Variants in PEPD observed in about 807,000 individuals in gnomAD.
PEPD encodes peptidase D, also known as xaa-Pro dipeptidase.
PEPD carries 53 observed loss-of-function variants against 60.7 expected under a neutral mutation model. The observed-to-expected ratio is 0.87, with a 90% CI of 0.70 to 1.10. The LOEUF (loss-of-function observed/expected upper bound fraction) is 1.10, where lower values mean the gene tolerates loss of function less well. Among genes scored for constraint, PEPD ranks in the 50% least tolerant of loss-of-function variants. The probability of loss-of-function intolerance (pLI) is 0.00; values close to 1 mark genes in which losing one functional copy is unlikely to be tolerated. For missense variants in PEPD, 711 were observed against 711.9 expected (o/e 1.00, Z 0.01); for synonymous variants, 267 against 284.1 (o/e 0.94, Z 0.60).
chr19:33,495,197 A>G (rs1238869961), intron 4 of PEPD, among the ~76,000 whole-genome samples: 1 of 152,124 alleles, frequency 6.6e-6, no homozygotes, highest in Non-Finnish European at 1.5e-5. Flanking sequence ...ACATCCTCGC[A>G]TACAAGTATT....
intron 6 of PEPD, among the ~76,000 whole-genome samples, chr19:33,484,910 T>C (rs1235060935): frequency 6.6e-6 from 1 of 152,204 alleles, no homozygotes; most frequent in African/African-American, 2.4e-5. Flanking sequence ...CTGGTTAGCA[T>C]TTTCTACAAT....
intron 4 of PEPD, among the ~76,000 whole-genome samples, chr19:33,496,572 C>T (rs145456936): frequency 2.0e-3 from 310 of 152,368 alleles, no homozygotes; most frequent in Non-Finnish European, 3.6e-3. Flanking sequence ...GGGAACACGA[C>T]GCGCTGTGCG....
intron 9 of PEPD, among the ~76,000 whole-genome samples, chr19:33,422,795 T>G (rs1233652840): frequency 6.7e-6 from 1 of 148,796 alleles, no homozygotes; most frequent in African/African-American, 2.5e-5. Flanking sequence ...CCTCCCTCTA[T>G]CTATCCATCC....
intron 1 of PEPD, among the ~76,000 whole-genome samples, chr19:33,519,908 A>T (rs1414221800): frequency 6.6e-6 from 1 of 152,100 alleles, no homozygotes; most frequent in Non-Finnish European, 1.5e-5. Context: ...TCCACTAAAA[A>T]TACAAAAAAT....
intron 6 of PEPD, among the ~76,000 whole-genome samples, chr19:33,482,102 C>T (rs1346623806): frequency 1.3e-5 from 2 of 152,172 alleles, no homozygotes; most frequent in African/African-American, 4.8e-5. Context: ...GTCAGTATTA[C>T]CTTGATGCTA....
intron 11 of PEPD, among the ~76,000 whole-genome samples, chr19:33,406,157 G>A (rs1434327780): frequency 6.6e-6 from 1 of 152,232 alleles, no homozygotes; most frequent in Non-Finnish European, 1.5e-5. Context: ...AGGCGGGAGG[G>A]AGAGTCACAC....
At chr19:33,403,532 C>A (rs969690109) in intron 11 of PEPD, among the ~76,000 whole-genome samples, 1 of 152,194 alleles carries the variant, frequency 6.6e-6, no homozygotes, top group African/African-American at 2.4e-5. Context: ...CACAAACATT[C>A]CAGAAGCTGC....
intron 9 of PEPD, among the ~76,000 whole-genome samples, chr19:33,418,236 C>T (rs943026785): frequency 1.3e-5 from 2 of 152,186 alleles, no homozygotes; most frequent in African/African-American, 4.8e-5. Context: ...GTAATTGCTG[C>T]GATATTTTCT....
intron 1 of PEPD, among the ~76,000 whole-genome samples, chr19:33,517,891 C>G (rs1006966119): frequency 6.7e-6 from 1 of 148,482 alleles, no homozygotes; most frequent in South Asian, 2.1e-4. Context: ...CACTTGAACC[C>G]GGGAGGCGGA....
At chr19:33,388,659 C>T (rs2099222589) in intron 13 of PEPD, 2 of 195,644 alleles carry the variant, frequency 1.0e-5, no homozygotes, top group African/African-American at 2.3e-5. Flanking sequence ...GCAAATGTGC[C>T]GTGTGCGCGT....
intron 9 of PEPD, among the ~76,000 whole-genome samples, chr19:33,425,333 C>T (rs1969121598): frequency 6.6e-6 from 1 of 151,724 alleles, no homozygotes; most frequent in Non-Finnish European, 1.5e-5. Flanking sequence ...AAAAGGCTTG[C>T]CAGAGTGGCA....
intron 13 of PEPD, chr19:33,388,595 C>G: frequency 4.3e-6 from 1 of 232,254 alleles, no homozygotes; most frequent in South Asian, 6.3e-5. Context: ...TGTGACTGTC[C>G]AGGGAGGACA....
At chr19:33,454,616 A>C (rs1029038474) in intron 9 of PEPD, among the ~76,000 whole-genome samples, 9 of 152,156 alleles carry the variant, frequency 5.9e-5, no homozygotes, top group Non-Finnish European at 1.0e-4. Context: ...AAAGAAAAAA[A>C]AAAGAAAGAA....
chr19:33,392,713 G>A (rs1968254122), intron 12 of PEPD, among the ~76,000 whole-genome samples: 1 of 152,226 alleles, frequency 6.6e-6, no homozygotes, highest in South Asian at 2.1e-4. Context: ...TGCTCTGCAT[G>A]GTCCCGATCA....
chr19:33,429,153 G>C (rs373825895), intron 9 of PEPD, among the ~76,000 whole-genome samples: 1 of 152,164 alleles, frequency 6.6e-6, no homozygotes, highest in African/African-American at 2.4e-5. Context: ...CTTCTCAGAG[G>C]GGGCAGAGTT....
At chr19:33,400,112 G>A (rs1968454801) in intron 12 of PEPD, among the ~76,000 whole-genome samples, 1 of 152,230 alleles carries the variant, frequency 6.6e-6, no homozygotes, top group Non-Finnish European at 1.5e-5. Context: ...CCCCTACACA[G>A]GGGGCTGCCT....
intron 9 of PEPD, among the ~76,000 whole-genome samples, chr19:33,432,573 T>C (rs1600110145): frequency 6.6e-6 from 1 of 152,186 alleles, no homozygotes; most frequent in East Asian, 1.9e-4. Context: ...GAAAAAAACA[T>C]GATAGCTCTC....
At chr19:33,520,150 T>C (rs980994873) in intron 1 of PEPD, among the ~76,000 whole-genome samples, 3 of 151,950 alleles carry the variant, frequency 2.0e-5, no homozygotes, top group Non-Finnish European at 4.4e-5. Flanking sequence ...GACATCAGCT[T>C]GGTTCCTTCA....
chr19:33,443,039 T>G (rs1222020697), intron 9 of PEPD, among the ~76,000 whole-genome samples: 5 of 152,214 alleles, frequency 3.3e-5, no homozygotes, highest in African/African-American at 1.2e-4. Context: ...CTAACATTTT[T>G]ATTACCCACC....
Sources: allele counts gnomAD v4.1 joint callset (sites outside exome capture counted in the v4.1 genomes callset), GRCh38; gene constraint gnomAD v4.1.1; transcripts MANE v1.5; gene names NCBI Gene and HGNC (gene_info 2026-07-23, HGNC 2026-07-21).